Variants in SKAP1 observed in about 807,000 individuals in gnomAD.
SKAP1 encodes src kinase-associated phosphoprotein 1.
A neutral mutation model predicts 58.5 loss-of-function variants in SKAP1; 44 were observed. The ratio of observed to expected loss-of-function variants is 0.75; its 90% CI spans 0.59 to 0.97. The LOEUF (loss-of-function observed/expected upper bound fraction) is 0.97. Ranked by LOEUF, SKAP1 falls within the 50% of genes least tolerant of loss-of-function variation. The pLI, the probability that SKAP1 is intolerant of heterozygous loss-of-function variation, is 0.00. For synonymous variants in SKAP1, 127 were observed against 149.7 expected (o/e 0.85, Z 1.11); for missense variants, 390 against 435.2 (o/e 0.90, Z 0.92).
At chr17:48,406,410 CTT>C (rs1007636872) in intron 1 of SKAP1, among the ~76,000 whole-genome samples, 3 of 144,022 alleles carry the variant, frequency 2.1e-5, no homozygotes, top group Non-Finnish European at 1.5e-5. Context: ...ATTTTTTTTT[CTT>C]TTTTTTTTTG....
chr17:48,237,862 T>C (rs2065198486), intron 4 of SKAP1, among the ~76,000 whole-genome samples: 1 of 152,132 alleles, frequency 6.6e-6, no homozygotes, highest in Non-Finnish European at 1.5e-5. Flanking sequence ...TCCTAAGATT[T>C]TGTATACATG....
At chr17:48,393,686 T>C (rs1277864025) in intron 2 of SKAP1, among the ~76,000 whole-genome samples, 1 of 152,138 alleles carries the variant, frequency 6.6e-6, no homozygotes, top group Non-Finnish European at 1.5e-5. Context: ...TCCACCCTTT[T>C]GTTTCTAGAG....
chr17:48,439,819 A>C, the SKAP1 span, among the ~76,000 whole-genome samples: 2 of 152,182 alleles, frequency 1.3e-5, no homozygotes, highest in African/African-American at 4.8e-5. Flanking sequence ...TGCACTAAAC[A>C]TGAGGGCCTG....
At chr17:48,393,027 TTCCAGGTGTCTC>T (rs1193223631) in intron 2 of SKAP1, among the ~76,000 whole-genome samples, 1 of 152,198 alleles carries the variant, frequency 6.6e-6, no homozygotes, top group Non-Finnish European at 1.5e-5. Context: ...AACTGCTTCA[TTCCAGGTGTCTC>T]ACATCTGGTG....
intron 4 of SKAP1, among the ~76,000 whole-genome samples, chr17:48,297,388 A>C (rs543678325): frequency 2.6e-5 from 4 of 152,348 alleles, no homozygotes; most frequent in Non-Finnish European, 5.9e-5. Flanking sequence ...GCCTTTCACC[A>C]GCAGATCTTG....
At chr17:48,164,453 A>T (rs2064109505) in intron 10 of SKAP1, among the ~76,000 whole-genome samples, 1 of 152,148 alleles carries the variant, frequency 6.6e-6, no homozygotes, top group Non-Finnish European at 1.5e-5. Flanking sequence ...GTGTGCCTGG[A>T]TATGGGATAG....
chr17:48,276,548 G>A (rs542559353), intron 4 of SKAP1, among the ~76,000 whole-genome samples: 1 of 152,326 alleles, frequency 6.6e-6, no homozygotes, highest in Non-Finnish European at 1.5e-5. Flanking sequence ...CAGAAGGGGT[G>A]ATGCTGCTAT....
intron 4 of SKAP1, chr17:48,204,127 AGGCTGGAGTGCAATGGTGTGATCTC>A (rs1386730459): frequency 6.7e-6 from 1 of 148,728 alleles, no homozygotes; most frequent in Non-Finnish European, 1.5e-5. Context: ...CTTGTTGCCC[AGGCTGGAGTGCAATGGTGTGATCTC>A]GGCTGGAGTG....
intron 9 of SKAP1, 122 bp from the exon 10 acceptor site, chr17:48,170,781 G>T: frequency 2.5e-6 from 2 of 815,238 alleles, no homozygotes; most frequent in Admixed American, 2.2e-5. Flanking sequence ...ACGATTTTCG[G>T]TTCACTGCAA....
intron 4 of SKAP1, among the ~76,000 whole-genome samples, chr17:48,285,249 G>C (rs1012245529): frequency 2.0e-5 from 3 of 152,222 alleles, no homozygotes; most frequent in African/African-American, 7.2e-5. Flanking sequence ...TAAAGGAGCA[G>C]AAAGCTTACT....
In SKAP1 at chr17:48,290,173, A is replaced by G. The variant is rs546294049; in HGVS notation, c.280+55732T>C. On this transcript the variant is annotated intron_variant, in intron 4 of 12. Transcript: ENST00000336915. ...AATCTACTATGATAACAATTCGTCTATGAGGCCAGTTTCATGTCCTTGATG... is the reference window on the plus strand; with the variant it reads ...AATCTACTATGATAACAATTCGTCTGTGAGGCCAGTTTCATGTCCTTGATG... 2.6e-5 allele frequency among the ~76,000 whole-genome samples: 4 copies of G among 152,338 alleles called. No individual in the cohort carries two copies. In the East Asian group the frequency reaches 5.8e-4, roughly 22 times the overall value.
At chr17:48,384,884 A>T (rs2067257470) in intron 2 of SKAP1, among the ~76,000 whole-genome samples, 1 of 152,202 alleles carries the variant, frequency 6.6e-6, no homozygotes. Context: ...TCTCCCATGC[A>T]CAGGGGAAGC....
intron 4 of SKAP1, among the ~76,000 whole-genome samples, chr17:48,254,906 G>A (rs77119820): frequency 3.9e-4 from 59 of 152,068 alleles, no homozygotes; most frequent in African/African-American, 1.3e-3. Flanking sequence ...GATCCCAAGA[G>A]CACTTGAATT....
At chr17:48,343,692 T>C (rs1406329528) in intron 4 of SKAP1, among the ~76,000 whole-genome samples, 4 of 152,226 alleles carry the variant, frequency 2.6e-5, no homozygotes, top group Admixed American at 6.5e-5. Flanking sequence ...TTTTCCTAAA[T>C]TTCAACTATT....
chr17:48,202,939 T>C (rs994182954), intron 4 of SKAP1, among the ~76,000 whole-genome samples: 7 of 152,322 alleles, frequency 4.6e-5, no homozygotes, highest in Middle Eastern at 3.4e-3. Context: ...ATTTAGCAAG[T>C]AGCAAATCGG....
At chr17:48,427,236 G>C (rs1212590095) in intron 1 of SKAP1, among the ~76,000 whole-genome samples, 1 of 152,040 alleles carries the variant, frequency 6.6e-6, no homozygotes, top group African/African-American at 2.4e-5. Flanking sequence ...AAGCAAAAAT[G>C]GGATATTACA....
intron 11 of SKAP1, among the ~76,000 whole-genome samples, chr17:48,160,239 C>T (rs1313405102): frequency 6.6e-6 from 1 of 152,110 alleles, no homozygotes; most frequent in Non-Finnish European, 1.5e-5. Flanking sequence ...AAGTGATTCT[C>T]CCAGCTCAGC....
At chr17:48,431,861 A>G (rs77666435), upstream of SKAP1, among the ~76,000 whole-genome samples, 890 of 152,320 alleles carry the variant, frequency 5.8e-3, 9 homozygotes, top group African/African-American at 0.02. Context: ...AGACGGGGCA[A>G]GAGCAGTAAG....
chr17:48,170,666 G>T lies in SKAP1; in HGVS notation c.827-7C>A, dbSNP rs1451169034. On this transcript the variant is annotated splice_region_variant and splice_polypyrimidine_tract_variant and intron_variant, in intron 9 of 12. Coordinates refer to ENST00000336915, the MANE Select transcript of SKAP1 (RefSeq NM_003726.4). ...TCTAGATCATGCTCTTCATCTGGGG[G>T]GATAAATGATCAGTATTAGCAATTA... 2 of 1,611,830 alleles carry T rather than the reference G, an allele frequency of 1.2e-6. No individual in the cohort carries two copies. Among genetic ancestry groups the T allele is most frequent in the East Asian group, 2.2e-5 (1 of 44,856 alleles).
Sources: gnomAD v4.1 joint callset for allele counts (sites outside exome capture counted in the v4.1 genomes callset) on GRCh38, gnomAD v4.1.1 for gene constraint, MANE v1.5 for transcripts, NCBI Gene and HGNC (gene_info 2026-07-23, HGNC 2026-07-21) for gene names.